NKAIN2: variants seen among roughly 807,000 people sequenced by gnomAD.
The protein encoded by NKAIN2 is sodium/potassium transporting ATPase interacting 2, also known as sodium/potassium-transporting ATPase subunit beta-1-interacting protein 2.
NKAIN2 carries 14 observed loss-of-function variants against 32.6 expected under a neutral mutation model. The observed-to-expected ratio is 0.43, with a 90% CI of 0.28 to 0.67. The LOEUF is 0.67. Among genes scored for constraint, NKAIN2 ranks in the 30% least tolerant of loss-of-function variants. The probability of loss-of-function intolerance (pLI) is 0.17; values close to 1 mark genes in which losing one functional copy is unlikely to be tolerated. For missense variants in NKAIN2, 198 were observed against 258.3 expected, an observed-to-expected ratio of 0.77 and a Z score of 1.60; for synonymous variants, 80 against 87.2, an observed-to-expected ratio of 0.92 and a Z score of 0.46.
At chr6:124,676,838 A>G (rs1562318937) in intron 4 of NKAIN2, among the ~76,000 whole-genome samples, 1 of 152,068 alleles carries the variant, frequency 6.6e-6, no homozygotes, top group Non-Finnish European at 1.5e-5. Context: ...TTTGGTTAAT[A>G]TTTGCATGGA....
intron 1 of NKAIN2, among the ~76,000 whole-genome samples, chr6:124,248,468 A>G (rs1793530881): frequency 6.6e-6 from 1 of 152,002 alleles, no homozygotes; most frequent in South Asian, 2.1e-4. Context: ...ACTATTGCTC[A>G]TATACTTCAA....
chr6:124,031,425 T>A (rs987468362), intron 1 of NKAIN2, among the ~76,000 whole-genome samples: 1 of 152,194 alleles, frequency 6.6e-6, no homozygotes, highest in Non-Finnish European at 1.5e-5. Flanking sequence ...TCTGCTCTGA[T>A]CTTAGTCATT....
chr6:124,098,061 G>A (rs1197885336), intron 1 of NKAIN2, among the ~76,000 whole-genome samples: 2 of 152,140 alleles, frequency 1.3e-5, no homozygotes, highest in African/African-American at 4.8e-5. Flanking sequence ...AGACCAAGGA[G>A]ATTCTGGAGC....
intron 1 of NKAIN2, among the ~76,000 whole-genome samples, chr6:123,820,566 C>A (rs1212103625): frequency 6.6e-6 from 1 of 152,026 alleles, no homozygotes; most frequent in East Asian, 1.9e-4. Context: ...CCATGCTGAC[C>A]ATCCAGATGC....
intron 1 of NKAIN2, among the ~76,000 whole-genome samples, chr6:124,010,693 A>T (rs572221775): frequency 3.3e-5 from 5 of 151,934 alleles, no homozygotes; most frequent in African/African-American, 1.2e-4. Flanking sequence ...TGAAGATTAA[A>T]TTGTGTGTGT....
At chr6:123,875,147 T>C (rs1487192845) in intron 1 of NKAIN2, among the ~76,000 whole-genome samples, 1 of 152,014 alleles carries the variant, frequency 6.6e-6, no homozygotes, top group Non-Finnish European at 1.5e-5. Flanking sequence ...TTTTAGAAAC[T>C]CAGATTTTTC....
intron 1 of NKAIN2, among the ~76,000 whole-genome samples, chr6:123,957,749 T>G (rs1777661916): frequency 6.6e-6 from 1 of 152,184 alleles, no homozygotes; most frequent in Non-Finnish European, 1.5e-5. Flanking sequence ...TTATTATGCC[T>G]TATTAAATTA....
chr6:124,227,262 A>G (rs1349775002), intron 1 of NKAIN2, among the ~76,000 whole-genome samples: 1 of 152,036 alleles, frequency 6.6e-6, no homozygotes, highest in Non-Finnish European at 1.5e-5. Context: ...AGACATGTGG[A>G]TTATGGACTG....
chr6:123,979,805 C>T (rs189139799), intron 1 of NKAIN2, among the ~76,000 whole-genome samples: 1 of 152,234 alleles, frequency 6.6e-6, no homozygotes, highest in East Asian at 1.9e-4. Flanking sequence ...GAGCTCAACT[C>T]TCATTTGAAT....
chr6:124,335,451 GA>G (rs983961865), intron 2 of NKAIN2, among the ~76,000 whole-genome samples: 4 of 152,202 alleles, frequency 2.6e-5, no homozygotes, highest in African/African-American at 9.6e-5. Flanking sequence ...ACATATTTTA[GA>G]AGCTGTTTAC....
chr6:124,224,733 C>T (rs933565762), intron 1 of NKAIN2, among the ~76,000 whole-genome samples: 1 of 151,918 alleles, frequency 6.6e-6, no homozygotes, highest in Admixed American at 6.6e-5. Flanking sequence ...AAATTGTTTC[C>T]TTAATACATG....
chr6:124,332,108 C>T (rs1391011937), intron 2 of NKAIN2, among the ~76,000 whole-genome samples: 1 of 152,014 alleles, frequency 6.6e-6, no homozygotes, highest in Non-Finnish European at 1.5e-5. Context: ...TGAATCAAGG[C>T]CTTAGTTTTT....
At chr6:124,708,587 T>C (rs1775238916) in intron 4 of NKAIN2, among the ~76,000 whole-genome samples, 2 of 151,286 alleles carry the variant, frequency 1.3e-5, no homozygotes, top group African/African-American at 2.4e-5. Flanking sequence ...CCTAGGTATT[T>C]TATTCTCTTT....
At chr6:124,599,227 A>G (rs1324850319) in intron 3 of NKAIN2, among the ~76,000 whole-genome samples, 1 of 152,004 alleles carries the variant, frequency 6.6e-6, no homozygotes, top group East Asian at 1.9e-4. Flanking sequence ...CAATGTAGAT[A>G]ATACTGAAAA....
intron 4 of NKAIN2, among the ~76,000 whole-genome samples, chr6:124,778,009 G>A (rs187062303): frequency 8.8e-4 from 133 of 151,626 alleles, no homozygotes; most frequent in African/African-American, 3.1e-3. Context: ...ATGACATCCA[G>A]TAATGAGGTT....
chr6:123,968,019 G>A (rs1420210387), intron 1 of NKAIN2, among the ~76,000 whole-genome samples: 1 of 152,182 alleles, frequency 6.6e-6, no homozygotes, highest in East Asian at 1.9e-4. Flanking sequence ...ATTTCTAACA[G>A]ATGGACACGG....
intron 1 of NKAIN2, among the ~76,000 whole-genome samples, chr6:124,150,531 A>G (rs1009504534): frequency 2.8e-4 from 42 of 152,140 alleles, no homozygotes; most frequent in Admixed American, 7.2e-4. Flanking sequence ...AATCTGTCTA[A>G]ATGATTGAAT....
At chr6:124,237,952 A>G (rs753710786) in intron 1 of NKAIN2, among the ~76,000 whole-genome samples, 1 of 152,158 alleles carries the variant, frequency 6.6e-6, no homozygotes, top group South Asian at 2.1e-4. Context: ...GAGGGCATCC[A>G]TAAGATGTGG....
chr6:124,331,687 G>A (rs142486400), intron 2 of NKAIN2, among the ~76,000 whole-genome samples: 4 of 152,176 alleles, frequency 2.6e-5, no homozygotes, highest in Non-Finnish European at 4.4e-5. Context: ...GCATTTGCAA[G>A]ATGTGTCTCT....
Sources: gnomAD v4.1 joint callset for allele counts (sites outside exome capture counted in the v4.1 genomes callset) on GRCh38, gnomAD v4.1.1 for gene constraint, MANE v1.5 for transcripts, NCBI Gene and HGNC (gene_info 2026-07-23, HGNC 2026-07-21) for gene names.